Variants in OGDHL observed in about 807,000 individuals in gnomAD.
The protein encoded by OGDHL is 2-oxoglutarate dehydrogenase-like, mitochondrial.
Under a neutral mutation model 109.6 loss-of-function variants are expected in OGDHL, and 79 were observed. The observed-to-expected ratio is 0.72, with a 90% confidence interval of 0.60 to 0.87. The LOEUF (loss-of-function observed/expected upper bound fraction) is 0.87. Ranked by LOEUF, OGDHL falls within the 40% of genes least tolerant of loss-of-function variation. OGDHL has a pLI of 0.00. For synonymous variants in OGDHL, 528 were observed against 537.2 expected (o/e 0.98, Z 0.24); for missense variants, 1,275 against 1,362.2 (o/e 0.94, Z 1.01).
In OGDHL at chr10:49,735,257, G is replaced by A. The variant is rs1429438999; in HGVS notation, c.3004C>T (p.Leu1002Phe). Residue 1002 changes from leucine (L) to phenylalanine (F), a missense_variant, in exon 23 of 23, where the codon CTC (leucine) becomes TTC (phenylalanine). Leu to Phe is a conservative substitution (Grantham distance 22, BLOSUM62 0). Coordinates refer to ENST00000374103, the MANE Select transcript of OGDHL (RefSeq NM_018245.3). ...LKKFLDTAFN[L>F]QAFEGKTF is the part of the protein sequence containing the mutation. Reference sequence around the variant, plus strand: ...AATGTCTTGCCCTCAAAGGCCTGGAGATTGAAGGCAGTATCCAGAAACTTC... The same window carrying A: ...AATGTCTTGCCCTCAAAGGCCTGGAAATTGAAGGCAGTATCCAGAAACTTC... 3.7e-6 allele frequency: 6 copies of A among 1,614,022 alleles called. No individual in the cohort carries two copies. Among genetic ancestry groups the A allele is most frequent in the African/African-American group, 1.3e-5 (1 of 74,946 alleles).
rs1325350927 is a variant in OGDHL, at chr10:49,734,990, C to G, written c.*238G>C. Reference sequence around the variant, plus strand: ...AGAAATTCCAGCAAGATGGGAGCAGCTGGGGGATGCTCCAGCACAGTAGCC... The same window carrying G: ...AGAAATTCCAGCAAGATGGGAGCAGGTGGGGGATGCTCCAGCACAGTAGCC... On this transcript the variant is annotated 3_prime_UTR_variant, in exon 23 of 23. Coordinates refer to ENST00000374103, the MANE Select transcript of OGDHL (RefSeq NM_018245.3). The G allele has an allele frequency of 2.9e-6, 1 of 350,184 alleles. No individual in the cohort carries two copies. The highest frequency in any genetic ancestry group is 5.1e-6 in the Non-Finnish European group (1 of 196,144). 21.7% of individuals were successfully genotyped at this position (350,184 alleles called of 1,614,324 possible).
intron 14 of OGDHL, 76 bp downstream of exon 14, chr10:49,743,918 C>A: frequency 1.4e-5 from 22 of 1,550,070 alleles, no homozygotes; most frequent in Non-Finnish European, 1.9e-5. Flanking sequence ...CTCTTGCATC[C>A]CAACCAATCT....
In OGDHL at chr10:49,747,194, G is replaced by T; in HGVS notation, c.1002C>A (p.Val334=). 1 of 1,614,100 alleles carries T rather than the reference G, an allele frequency of 6.2e-7. No individual in the cohort carries two copies. Among genetic ancestry groups the T allele is most frequent in the Non-Finnish European group, 8.5e-7 (1 of 1,179,970 alleles). Residue 334 remains valine (V), a synonymous_variant, in exon 9 of 23, where the codon GTC becomes GTA. Transcript: ENST00000374103. The stretch of plus-strand genomic sequence containing the variant: ...CATGGTACATGCCCAGGTGGTACTT[G>T]ACATCCCCGGAGCCCTGAAGGTGGA... ...LEAADEGSGD[V]KYHLGMYHER...
chr10:49,745,857 C>G lies in OGDHL; in HGVS notation c.1417G>C (p.Val473Leu). Residue 473 changes from valine (V) to leucine (L), a missense_variant, in exon 11 of 23, where the codon GTG (valine) becomes CTG (leucine). Val to Leu is a conservative substitution (Grantham distance 32). Transcript: ENST00000374103. Reference protein sequence around the residue: ...NADDPEAVIYVCSVAAEWRNT... With the variant: ...NADDPEAVIYLCSVAAEWRNT... ...CTCCATTCGGCTGCCACACTGCACA[C>G]ATATATCACAGCCTCTGGGTCATCG... 6 of 1,614,232 alleles carry G rather than the reference C, an allele frequency of 3.7e-6. No individual in the cohort carries two copies. The highest frequency in any genetic ancestry group is 5.1e-6 in the Non-Finnish European group (6 of 1,180,050).
rs111882907 is a variant in OGDHL at position 49,737,739 on chromosome 10, C to T, written c.2590+47G>A. On this transcript the variant is annotated intron_variant, in intron 20 of 22. Transcript: ENST00000374103. ...CAGAAGCAGAAGCCACACAATGGGC[C>T]ACCGCCCCATTGTGGGCTACCCCAC... 1.4e-4 allele frequency: 226 copies of T among 1,602,914 alleles called. No homozygotes were observed. In the East Asian group the frequency reaches 4.4e-3, roughly 31 times the overall value.
At chr10:49,742,545 C>T (rs889997445) in intron 15 of OGDHL, among the ~76,000 whole-genome samples, 17 of 115,314 alleles carry the variant, frequency 1.5e-4, no homozygotes, top group Non-Finnish European at 2.5e-4. Flanking sequence ...ACACACCACA[C>T]ACAACTCGCC....
chr10:49,750,808 T>G lies in OGDHL; in HGVS notation c.896+31A>C, dbSNP rs1322261972. 15 of 1,578,542 alleles carry G rather than the reference T, an allele frequency of 9.5e-6. No individual in the cohort carries two copies. The South Asian group carries it at 1.4e-4, about 15-fold the overall frequency. ...CTCTGTCCCCTGGGCTGGAGGAGAATGCGCAAGGCACAGCAGGGAGGGGGA... is the reference window on the plus strand; with the variant it reads ...CTCTGTCCCCTGGGCTGGAGGAGAAGGCGCAAGGCACAGCAGGGAGGGGGA... On this transcript the variant is annotated intron_variant, in intron 7 of 22. Coordinates refer to ENST00000374103, the MANE Select transcript of OGDHL (RefSeq NM_018245.3).
chr10:49,759,014 C>CCCTAGAA (rs1843098019), intron 1 of OGDHL, among the ~76,000 whole-genome samples: 1 of 152,064 alleles, frequency 6.6e-6, no homozygotes, highest in Non-Finnish European at 1.5e-5. Flanking sequence ...AGGCCCACCA[C>CCCTAGAA]CCTAGAACCA....
intron 1 of OGDHL, among the ~76,000 whole-genome samples, chr10:49,760,732 G>A (rs1843220511): frequency 6.6e-6 from 1 of 152,252 alleles, no homozygotes; most frequent in Non-Finnish European, 1.5e-5. Context: ...TGAGGTGCAA[G>A]AGGCTAAGCT....
intron 14 of OGDHL, 43 bp from the exon 15 acceptor site, chr10:49,743,021 G>C: frequency 1.9e-6 from 3 of 1,600,270 alleles, no homozygotes; most frequent in Non-Finnish European, 2.6e-6. Context: ...GGGACAGCCA[G>C]CCCTGGGGCG....
intron 1 of OGDHL, among the ~76,000 whole-genome samples, chr10:49,759,272 T>C (rs942598530): frequency 6.6e-6 from 1 of 151,698 alleles, no homozygotes; most frequent in South Asian, 2.1e-4. Context: ...CCCCACTTCA[T>C]TGCAGGAAGG....
rs376110289 is a variant in OGDHL at position 49,751,037 on chromosome 10, G to A, written c.750-52C>T. On this transcript the variant is annotated intron_variant, in intron 6 of 22. Transcript: ENST00000374103. ...AAAGGGAAAGGGATGGAGAGGGAGG[G>A]GACTGGGGCTCACAGGGGCTGTTCA... 8.4e-5 allele frequency: 127 copies of A among 1,507,394 alleles called. No homozygotes were observed. In the African/African-American group the frequency reaches 1.6e-3, roughly 18 times the overall value. The allele number at this position is 1,507,394 out of a possible 1,614,324, so 93.4% of individuals were successfully genotyped here.
At chr10:49,760,620 G>C (rs1368237651) in intron 1 of OGDHL, among the ~76,000 whole-genome samples, 6 of 152,240 alleles carry the variant, frequency 3.9e-5, no homozygotes, top group Admixed American at 6.5e-5. Flanking sequence ...AATAGGCACC[G>C]TCAGGAGCAC....
Position 49,744,075 on chromosome 10 carries a change from T to C in OGDHL, c.1780A>G (p.Thr594Ala). The stretch of plus-strand genomic sequence containing the variant: ...GTGAGCATGTCCTCAGGGATCCCCG[T>C]GGCTGGGCATGTCATGCTCTTGGGC... ...GEPKSMTCPA[T>A]GIPEDMLTHI... Residue 594 changes from threonine (T) to alanine (A), a missense_variant, in exon 14 of 23, where the codon ACG (threonine) becomes GCG (alanine). Physicochemically the swap from Thr to Ala is moderately conservative, Grantham distance 58 (BLOSUM62 0). Transcript: ENST00000374103. 1 of 1,613,936 alleles carries C rather than the reference T, an allele frequency of 6.2e-7. No individual in the cohort carries two copies. Among genetic ancestry groups the C allele is most frequent in the East Asian group, 2.2e-5 (1 of 44,892 alleles).
At chr10:49,761,343 C>CAA (rs1359435725) in intron 1 of OGDHL, among the ~76,000 whole-genome samples, 5 of 152,222 alleles carry the variant, frequency 3.3e-5, no homozygotes, top group Non-Finnish European at 7.3e-5. Flanking sequence ...CCCACACACA[C>CAA]AACCCTGTCT....
intron 15 of OGDHL, among the ~76,000 whole-genome samples, chr10:49,741,445 C>T (rs1044160990): frequency 2.6e-5 from 4 of 152,066 alleles, no homozygotes; most frequent in Non-Finnish European, 5.9e-5. Context: ...ATGAGAAAGC[C>T]AGCTGGTCAA....
chr10:49,742,303 GCAC>G (rs1379004180), intron 15 of OGDHL, among the ~76,000 whole-genome samples: 2 of 65,458 alleles, frequency 3.1e-5, no homozygotes, highest in South Asian at 6.0e-4. Flanking sequence ...CACCACAAAT[GCAC>G]CACACCCACC....
At chr10:49,740,987 G>C in intron 15 of OGDHL, 150 bp from the exon 16 acceptor site, 3 of 1,034,770 alleles carry the variant, frequency 2.9e-6, no homozygotes, top group Non-Finnish European at 4.2e-6. Flanking sequence ...ATCCAAGAAG[G>C]CTGTGGAAAA....
At position 49,742,877 on chromosome 10, in the gene OGDHL, C is replaced by G; in HGVS notation, c.1963G>C (p.Gly655Arg). Residue 655 changes from glycine (G) to arginine (R), a missense_variant, in exon 15 of 23, where the codon GGC (glycine) becomes CGC (arginine). Physicochemically the swap from Gly to Arg is moderately radical, Grantham distance 125 (BLOSUM62 -2). Transcript: ENST00000374103. ...TGCCCGCTGAGCCGCACGTGGATGCCTTCCTTCAGCAGGGAGCCAAAGGCC... is the reference window on the plus strand; with the variant it reads ...TGCCCGCTGAGCCGCACGTGGATGCGTTCCTTCAGCAGGGAGCCAAAGGCC... Reference protein sequence around the residue: ...YMAFGSLLKEGIHVRLSGQDV... With the variant: ...YMAFGSLLKERIHVRLSGQDV... The G allele has an allele frequency of 6.2e-7, 1 of 1,614,022 alleles. No homozygotes were observed. The highest frequency in any genetic ancestry group is 2.2e-5 in the East Asian group (1 of 44,894).
Sources: allele counts gnomAD v4.1 joint callset (sites outside exome capture counted in the v4.1 genomes callset), GRCh38; gene constraint gnomAD v4.1.1; transcripts MANE v1.5; gene names NCBI Gene and HGNC (gene_info 2026-07-23, HGNC 2026-07-21).